RASGRP3: variants seen among roughly 807,000 people sequenced by gnomAD.
RASGRP3 encodes ras guanyl-releasing protein 3.
RASGRP3 carries 54 observed loss-of-function variants against 82.7 expected under a neutral mutation model. That is an observed-to-expected ratio of 0.65 (90% confidence interval 0.52 to 0.82). The LOEUF (loss-of-function observed/expected upper bound fraction) is 0.82, where lower values mean the gene tolerates loss of function less well. Ranked by LOEUF, RASGRP3 falls within the 40% of genes least tolerant of loss-of-function variation. The probability of loss-of-function intolerance (pLI) is 0.00; values close to 1 mark genes in which losing one functional copy is unlikely to be tolerated. For synonymous variants in RASGRP3, 309 were observed against 300.5 expected (o/e 1.03, Z -0.29); for missense variants, 861 against 828.9 (o/e 1.04, Z -0.48).
intron 1 of RASGRP3, among the ~76,000 whole-genome samples, chr2:33,477,662 G>A (rs1223428591): frequency 3.3e-5 from 5 of 152,182 alleles, no homozygotes; most frequent in East Asian, 1.9e-4. Context: ...GCTGTTGTTC[G>A]GTGACTTTTG....
At chr2:33,459,325 A>G (rs1044762717) in intron 2 of RASGRP3, among the ~76,000 whole-genome samples, 13 of 151,990 alleles carry the variant, frequency 8.6e-5, no homozygotes, top group Non-Finnish European at 7.4e-5. Flanking sequence ...TAGTAGAGAC[A>G]GGGTTTCACT....
rs1421120987 is a variant in RASGRP3 at position 33,513,785 on chromosome 2, A to G, written c.-127-1225A>G. 4.6e-5 allele frequency: 7 copies of G among 152,352 alleles called. No homozygotes were observed. In the South Asian group the frequency reaches 1.0e-3, roughly 23 times the overall value. 9.4% of individuals were successfully genotyped at this position (152,352 alleles called of 1,614,324 possible). ...CGTTTTCCCCATGACAGTGCTGGCA[A>G]GTGGGATAGCTCTCATCCTCACATT... On this transcript the variant is annotated intron_variant, in intron 2 of 17. Coordinates refer to ENST00000403687, the MANE Select transcript of RASGRP3 (RefSeq NM_001139488.2).
chr2:33,501,647 T>G (rs1669888231), intron 1 of RASGRP3, among the ~76,000 whole-genome samples: 2 of 152,206 alleles, frequency 1.3e-5, no homozygotes, highest in African/African-American at 4.8e-5. Context: ...TCCCTTCCTC[T>G]GCAGTTTGCG....
At chr2:33,529,243 C>G (rs1358055761) in intron 10 of RASGRP3, among the ~76,000 whole-genome samples, 1 of 151,928 alleles carries the variant, frequency 6.6e-6, no homozygotes, top group South Asian at 2.1e-4. Context: ...GCCTGTAATT[C>G]CAGCACTTTG....
upstream of RASGRP3, among the ~76,000 whole-genome samples, chr2:33,473,872 TGGACCGG>T (rs1667204345): frequency 6.6e-6 from 1 of 152,208 alleles, no homozygotes; most frequent in African/African-American, 2.4e-5. Context: ...AATTTTTCCA[TGGACCGG>T]GAATGAGGGG....
intron 1 of RASGRP3, among the ~76,000 whole-genome samples, chr2:33,501,489 A>G (rs1669872966): frequency 1.3e-5 from 2 of 152,226 alleles, no homozygotes; most frequent in Admixed American, 1.3e-4. Context: ...TTCCAAAGTG[A>G]CTGTACCATT....
intron 2 of RASGRP3, among the ~76,000 whole-genome samples, chr2:33,451,796 T>C (rs1665813532): frequency 6.6e-6 from 1 of 152,140 alleles, no homozygotes; most frequent in Admixed American, 6.5e-5. Flanking sequence ...CATTATTTCT[T>C]TACCTAAGCA....
intron 1 of RASGRP3, among the ~76,000 whole-genome samples, chr2:33,447,111 A>AAAAAAC (rs1665542416): frequency 6.6e-6 from 1 of 151,928 alleles, no homozygotes; most frequent in Admixed American, 6.6e-5. Flanking sequence ...GTCTCAAAAA[A>AAAAAAC]AAAAAAAAAA....
At chr2:33,536,867 G>C (rs1056450486) in intron 11 of RASGRP3, among the ~76,000 whole-genome samples, 2 of 152,162 alleles carry the variant, frequency 1.3e-5, no homozygotes, top group Admixed American at 1.3e-4. Context: ...GGGGGCCGGG[G>C]AGAGTGCTTT....
rs990098780 is a variant in RASGRP3 at position 33,564,470 on chromosome 2, A to G, written c.*1733A>G. ...TACTACTATCCATAAATGCAATAATATGCATGTTAACAACATTAAAAACAG... is the reference window on the plus strand; with the variant it reads ...TACTACTATCCATAAATGCAATAATGTGCATGTTAACAACATTAAAAACAG... On this transcript the variant is annotated 3_prime_UTR_variant, in exon 18 of 18. Coordinates refer to ENST00000403687, the MANE Select transcript of RASGRP3 (RefSeq NM_001139488.2). 2.0e-5 allele frequency: 3 copies of G among 152,224 alleles called. No individual in the cohort carries two copies. Among genetic ancestry groups the G allele is most frequent in the African/African-American group, 7.2e-5 (3 of 41,446 alleles). The allele number at this position is 152,224 out of a possible 1,614,324, so 9.4% of individuals were successfully genotyped here.
At chr2:33,444,713 A>G (rs1665412739) in intron 1 of RASGRP3, among the ~76,000 whole-genome samples, 2 of 152,224 alleles carry the variant, frequency 1.3e-5, no homozygotes, top group South Asian at 4.1e-4. Flanking sequence ...GCAGTTTTGG[A>G]GATTTGGCTT....
At chr2:33,453,248 A>G (rs1665888441) in intron 2 of RASGRP3, among the ~76,000 whole-genome samples, 1 of 152,238 alleles carries the variant, frequency 6.6e-6, no homozygotes, top group Admixed American at 6.5e-5. Flanking sequence ...GACGGGCTTA[A>G]CACACACATT....
At chr2:33,469,673 C>G (rs1463724829) in intron 2 of RASGRP3, among the ~76,000 whole-genome samples, 1 of 152,178 alleles carries the variant, frequency 6.6e-6, no homozygotes, top group African/African-American at 2.4e-5. Flanking sequence ...GTTGCCCAGG[C>G]TGGTCTCAAA....
In RASGRP3 at chr2:33,549,664, A is replaced by G; in HGVS notation, c.1455A>G (p.Leu485=). The change falls in exon 14 of 18, where the codon CTA becomes CTG. Residue 485 remains leucine, a synonymous_variant. Transcript: ENST00000403687. ...ACTTCCTGAGAGCTAAATCCCAACT[A>G]CACTGTAAAATGGGACCAGGATTTA... The part of the protein sequence containing the change: ...MAYFLRAKSQ[L]HCKMGPGFIH... The G allele has an allele frequency of 1.2e-6, 2 of 1,613,498 alleles. No homozygotes were observed. The highest frequency in any genetic ancestry group is 1.3e-5 in the African/African-American group (1 of 75,050).
At chr2:33,470,817 C>T (rs1197314519) in intron 2 of RASGRP3, among the ~76,000 whole-genome samples, 1 of 152,142 alleles carries the variant, frequency 6.6e-6, no homozygotes, top group African/African-American at 2.4e-5. Context: ...CTGTTCACCT[C>T]ACTTTTTAAT....
At chr2:33,472,624 G>A (rs866205007), upstream of RASGRP3, among the ~76,000 whole-genome samples, 1 of 152,174 alleles carries the variant, frequency 6.6e-6, no homozygotes, top group Middle Eastern at 3.2e-3. Context: ...TAGACGCCAT[G>A]GGAGAGCTTT....
chr2:33,468,896 G>C (rs1156312954), intron 2 of RASGRP3, among the ~76,000 whole-genome samples: 1 of 151,584 alleles, frequency 6.6e-6, no homozygotes, highest in African/African-American at 2.4e-5. Context: ...TGAGTTAAAG[G>C]GTATTCACAT....
intron 8 of RASGRP3, 35 bp downstream of exon 8, chr2:33,524,087 T>C (rs1558483212): frequency 2.5e-6 from 4 of 1,597,674 alleles, no homozygotes; most frequent in Non-Finnish European, 1.7e-6. Context: ...TCTTGAGTTC[T>C]AGATGTTCGT....
At position 33,562,818 on chromosome 2, in the gene RASGRP3, C is replaced by T; in HGVS notation, c.*81C>T. The stretch of plus-strand genomic sequence containing the variant: ...AGAAACTCTGAAGAAAGCTCTGACT[C>T]TCAGGAAGTTATCTGGAAAGATACC... On this transcript the variant is annotated 3_prime_UTR_variant, in exon 18 of 18. Transcript: ENST00000403687. 2.0e-6 allele frequency: 3 copies of T among 1,531,102 alleles called. No individual in the cohort carries two copies. The highest frequency in any genetic ancestry group is 2.7e-6 in the Non-Finnish European group (3 of 1,107,648). 94.8% of individuals were successfully genotyped at this position (1,531,102 alleles called of 1,614,324 possible). A position where few individuals can be genotyped will look rare whatever the true frequency, so the allele number is the denominator to read the frequency against.
Sources: gnomAD v4.1 joint callset for allele counts (sites outside exome capture counted in the v4.1 genomes callset) on GRCh38, gnomAD v4.1.1 for gene constraint, MANE v1.5 for transcripts, NCBI Gene and HGNC (gene_info 2026-07-23, HGNC 2026-07-21) for gene names.